YAF2: variants seen among roughly 807,000 people sequenced by gnomAD.
YAF2 encodes YY1-associated factor 2.
A neutral mutation model predicts 20.1 loss-of-function variants in YAF2; 7 were observed. The ratio of observed to expected loss-of-function variants is 0.35; its 90% confidence interval spans 0.20 to 0.65. The LOEUF is 0.65. YAF2 is among the 30% of genes least tolerant of loss of function. The pLI, the probability that YAF2 is intolerant of heterozygous loss-of-function variation, is 0.69. For synonymous variants in YAF2, 74 were observed against 76.0 expected (o/e 0.97, Z 0.14); for missense variants, 151 against 219.2 (o/e 0.69, Z 1.96).
At chr12:42,160,949 G>A in intron 3 of YAF2, 123 bp from the exon 4 acceptor site, 1 of 692,558 alleles carries the variant, frequency 1.4e-6, no homozygotes, top group Non-Finnish European at 2.4e-6. Flanking sequence ...CAATTTATGT[G>A]TAACTAGCCA....
intron 2 of YAF2, chr12:42,231,673 G>T (rs1272440921): frequency 6.6e-6 from 1 of 152,148 alleles, no homozygotes; most frequent in Non-Finnish European, 1.5e-5. Context: ...GCTGAGTTAT[G>T]CGTAGCTTCC....
At position 42,228,664 on chromosome 12, in the gene YAF2, G is replaced by T. The variant is rs1207419724; in HGVS notation, c.152+8935C>A. Among the ~76,000 whole-genome samples, 43 of 112,296 alleles carry T rather than the reference G, an allele frequency of 3.8e-4. 1 individual carries two copies. The South Asian group carries it at 0.014, about 37-fold the overall frequency. 73.7% of individuals were successfully genotyped at this position (112,296 alleles called of 152,430 possible). ...CCCGTCCGGGAGGGAGGTGGGGGGG[G>T]GGTCAGCCCCCCTGCCCGGCCAGCC... is the stretch of plus-strand genomic sequence containing the variant. On this transcript the variant is annotated intron_variant, in intron 2 of 3. Transcript: ENST00000534854.
rs1345373280 is a variant in YAF2 at position 42,235,177 on chromosome 12, C to T, written c.152+2422G>A. On this transcript the variant is annotated intron_variant, in intron 2 of 3. Transcript: ENST00000534854. ...GGATTCAAATCCCATCTGTGCGTCA[C>T]ACAAACAAATCATTAGCAAACTGCA... 5.0e-6 allele frequency: 5 copies of T among 990,284 alleles called. No individual in the cohort carries two copies. In the African/African-American group the frequency reaches 7.0e-5, roughly 14 times the overall value. 61.3% of individuals were successfully genotyped at this position (990,284 alleles called of 1,614,324 possible). A position where few individuals can be genotyped will look rare whatever the true frequency, so the allele number is the denominator to read the frequency against.
At chr12:42,234,629 G>A in intron 2 of YAF2, 1 of 984,626 alleles carries the variant, frequency 1.0e-6, no homozygotes, top group South Asian at 4.7e-5. Flanking sequence ...CAAAGGAAAT[G>A]GGCTTCTGTT....
At chr12:42,200,265 G>C (rs922978696) in intron 2 of YAF2, among the ~76,000 whole-genome samples, 4 of 152,270 alleles carry the variant, frequency 2.6e-5, no homozygotes, top group African/African-American at 9.6e-5. Context: ...TATTTGGAGG[G>C]AAAGTGACAA....
At chr12:42,174,929 A>T (rs1055666185) in intron 2 of YAF2, among the ~76,000 whole-genome samples, 1 of 152,244 alleles carries the variant, frequency 6.6e-6, no homozygotes, top group East Asian at 1.9e-4. Context: ...AATCTTTTCT[A>T]TGCATCAAAG....
At chr12:42,191,528 A>G (rs1441757503) in intron 2 of YAF2, among the ~76,000 whole-genome samples, 4 of 152,098 alleles carry the variant, frequency 2.6e-5, no homozygotes, top group Non-Finnish European at 4.4e-5. Flanking sequence ...TAGCTAAGCT[A>G]TATCATGGGG....
chr12:42,183,643 C>A (rs368203482), intron 2 of YAF2, among the ~76,000 whole-genome samples: 2 of 152,264 alleles, frequency 1.3e-5, no homozygotes, highest in East Asian at 3.9e-4. Context: ...GAGGAAGCTG[C>A]AGAAAAGTCA....
chr12:42,217,565 G>A (rs549378034), intron 2 of YAF2, among the ~76,000 whole-genome samples: 2 of 151,960 alleles, frequency 1.3e-5, no homozygotes, highest in African/African-American at 4.8e-5. Flanking sequence ...CACTGTGATG[G>A]GCATTGAGAA....
At chr12:42,218,374 C>G (rs1205584586) in intron 2 of YAF2, among the ~76,000 whole-genome samples, 1 of 152,036 alleles carries the variant, frequency 6.6e-6, no homozygotes, top group Non-Finnish European at 1.5e-5. Flanking sequence ...TTTGTCTGCT[C>G]GTAAATGTTA....
chr12:42,211,495 T>C lies in YAF2; in HGVS notation c.152+26104A>G, dbSNP rs565551077. Among the ~76,000 whole-genome samples the C allele has an allele frequency of 3.3e-3, 495 of 149,282 alleles. 4 individuals are homozygous for C. Among genetic ancestry groups the C allele is most frequent in the African/African-American group, 0.011 (463 of 40,524 alleles). ...CTCACGCCTGTAATCCCAACACTTT[T>C]GGAGGCCAAGGCAGGTGGATCACCT... On this transcript the variant is annotated intron_variant, in intron 2 of 3. Transcript: ENST00000534854.
At chr12:42,161,812 C>T in intron 2 of YAF2, 47 bp from the exon 3 acceptor site, 1 of 1,515,598 alleles carries the variant, frequency 6.6e-7, no homozygotes, top group Non-Finnish European at 8.9e-7. Flanking sequence ...CAACTTAAAA[C>T]ATAAGTGCTT....
rs114382188 is a variant in YAF2 at position 42,164,721 on chromosome 12, A to G, written c.153-2956T>C. The stretch of plus-strand genomic sequence containing the variant: ...ATCCATACATATTGTGAATCTGTTG[A>G]TACTCTGGCTAACAAACGCCCAAAA... On this transcript the variant is annotated intron_variant, in intron 2 of 3. Transcript: ENST00000534854. Among the ~76,000 whole-genome samples the G allele has an allele frequency of 9.9e-3, 1,506 of 152,176 alleles. 29 individuals carry two copies. The highest frequency in any genetic ancestry group is 0.035 in the African/African-American group (1,441 of 41,526).
chr12:42,226,520 C>T (rs1310174590), intron 2 of YAF2, among the ~76,000 whole-genome samples: 4 of 152,014 alleles, frequency 2.6e-5, no homozygotes, highest in African/African-American at 9.7e-5. Context: ...AAAAATTAGC[C>T]AGACATAGTG....
At chr12:42,217,697 T>C (rs138069045) in intron 2 of YAF2, among the ~76,000 whole-genome samples, 2 of 152,244 alleles carry the variant, frequency 1.3e-5, no homozygotes, top group East Asian at 3.9e-4. Flanking sequence ...AGGAGGGGAT[T>C]TAAACTGAAA....
At chr12:42,203,733 G>A (rs149761155) in intron 2 of YAF2, among the ~76,000 whole-genome samples, 1,530 of 152,084 alleles carry the variant, frequency 0.01, 70 homozygotes, top group Admixed American at 0.087. Context: ...TTATGTCTGT[G>A]TTCATAAGTA....
chr12:42,190,081 G>C (rs990069572), intron 2 of YAF2, among the ~76,000 whole-genome samples: 1 of 152,156 alleles, frequency 6.6e-6, no homozygotes, highest in Non-Finnish European at 1.5e-5. Context: ...GGTGGCTTAC[G>C]TCTGTAATCC....
At chr12:42,234,881 G>T in intron 2 of YAF2, 1 of 729,616 alleles carries the variant, frequency 1.4e-6, no homozygotes, top group Non-Finnish European at 1.7e-6. Context: ...TCAGCTACTT[G>T]GGAGGCTGAG....
At chr12:42,210,468 C>A (rs1014100283) in intron 2 of YAF2, 28 of 1,535,200 alleles carry the variant, frequency 1.8e-5, no homozygotes, top group Non-Finnish European at 2.4e-5. Context: ...AGGGGGCATG[C>A]AGTACAGACG....
Sources: allele counts gnomAD v4.1 joint callset (sites outside exome capture counted in the v4.1 genomes callset), GRCh38; gene constraint gnomAD v4.1.1; transcripts MANE v1.5; gene names NCBI Gene and HGNC (gene_info 2026-07-23, HGNC 2026-07-21).